MFAP1: variants seen among roughly 807,000 people sequenced by gnomAD.
MFAP1 encodes microfibrillar-associated protein 1.
MFAP1 carries 18 observed loss-of-function variants against 62.2 expected under a neutral mutation model. The observed-to-expected ratio is 0.29, with a 90% CI of 0.20 to 0.43. The LOEUF (loss-of-function observed/expected upper bound fraction) is 0.43, where lower values mean the gene tolerates loss of function less well. MFAP1 is among the 20% of genes least tolerant of loss of function. The pLI is 1.00. For missense variants in MFAP1, 355 were observed against 559.7 expected (o/e 0.63, Z 3.69); for synonymous variants, 175 against 180.4 (o/e 0.97, Z 0.24).
intron 1 of MFAP1, among the ~76,000 whole-genome samples, chr15:43,819,513 A>G (rs1426459032): frequency 6.6e-6 from 1 of 152,128 alleles, no homozygotes; most frequent in Non-Finnish European, 1.5e-5. Flanking sequence ...ATAAAACAAT[A>G]GAAACATTCT....
chr15:43,811,497 G>A (rs1300337212), intron 6 of MFAP1, among the ~76,000 whole-genome samples: 1 of 148,562 alleles, frequency 6.7e-6, no homozygotes, highest in Non-Finnish European at 1.5e-5. Flanking sequence ...ACTCAGGCAA[G>A]TTTTCTTTTT....
chr15:43,815,497 G>A (rs561914683), intron 2 of MFAP1, among the ~76,000 whole-genome samples: 2 of 152,140 alleles, frequency 1.3e-5, no homozygotes, highest in East Asian at 3.9e-4. Flanking sequence ...GTATTGAGGT[G>A]GAGGAAACTG....
intron 4 of MFAP1, 25 bp from the exon 5 acceptor site, chr15:43,813,382 T>A (rs2087415069): frequency 6.3e-7 from 1 of 1,593,944 alleles, no homozygotes; most frequent in Non-Finnish European, 8.5e-7. Context: ...TCCTGTTAAT[T>A]GCCCAAAGTC....
At chr15:43,814,829 A>G (rs1037556889) in intron 3 of MFAP1, 116 bp downstream of exon 3, 3 of 1,500,888 alleles carry the variant, frequency 2.0e-6, no homozygotes. Context: ...AACAAGGAAC[A>G]TGATCAGAGT....
At position 43,815,073 on chromosome 15, in the gene MFAP1, A is replaced by T. The variant is rs761869032; in HGVS notation, c.301T>A (p.Leu101Met). 6.2e-7 allele frequency: 1 copy of T among 1,614,044 alleles called. No individual in the cohort carries two copies. The highest frequency in any genetic ancestry group is 8.5e-7 in the Non-Finnish European group (1 of 1,180,006). ...TCCACTATTTTTCGATGTCGAGCCA[A>T]TCTGAAAAACAGTATCTCCAAATGT... Reference protein sequence around the residue: ...NRISEDVEERLARHRKIVEPE... With the variant: ...NRISEDVEERMARHRKIVEPE... The change falls in exon 3 of 9, where the codon TTG becomes ATG. Residue 101 changes from leucine to methionine, a missense_variant and splice_region_variant. Physicochemically the swap from Leu to Met is conservative, Grantham distance 15. Transcript: ENST00000267812.
chr15:43,817,155 T>C (rs1183913650), intron 2 of MFAP1, 74 bp downstream of exon 2: 8 of 1,381,248 alleles, frequency 5.8e-6, no homozygotes, highest in Non-Finnish European at 7.1e-6. Context: ...GTAGTACTAT[T>C]CAAGTATTAG....
intron 7 of MFAP1, among the ~76,000 whole-genome samples, chr15:43,807,309 C>G (rs1431727812): frequency 1.3e-5 from 2 of 150,994 alleles, no homozygotes; most frequent in Non-Finnish European, 3.0e-5. Context: ...CAAGATCGCA[C>G]CACTGCACTC....
rs762551698 is a variant in MFAP1, at chr15:43,808,591, GCAAA to G, written c.1047+1160_1047+1163del. Among the ~76,000 whole-genome samples, 5 of 152,238 alleles carry G rather than the reference GCAAA, an allele frequency of 3.3e-5. No individual in the cohort carries two copies. In the South Asian group the frequency reaches 8.3e-4, roughly 25 times the overall value. ...ATTATTAAAGCTGCGAACTGCTTAA[GCAAA>G]CAAACTTTATGACCGAAGCAGTACA... On this transcript the variant is annotated intron_variant, in intron 7 of 8. Coordinates refer to ENST00000267812, the MANE Select transcript of MFAP1 (RefSeq NM_005926.3).
At chr15:43,822,909 G>A (rs1349028856) in intron 1 of MFAP1, among the ~76,000 whole-genome samples, 1 of 151,742 alleles carries the variant, frequency 6.6e-6, no homozygotes, top group East Asian at 1.9e-4. Flanking sequence ...TGCGATCTCG[G>A]CTCACTGCAA....
At chr15:43,816,525 G>A (rs541815550) in intron 2 of MFAP1, among the ~76,000 whole-genome samples, 3 of 152,268 alleles carry the variant, frequency 2.0e-5, no homozygotes, top group East Asian at 3.9e-4. Context: ...GATTACAGGC[G>A]TGAGCCACCG....
chr15:43,809,791 G>A lies in MFAP1; in HGVS notation c.1011C>T (p.Phe337=). 6.2e-7 allele frequency: 1 copy of A among 1,614,092 alleles called. No individual in the cohort carries two copies. The highest frequency in any genetic ancestry group is 8.5e-7 in the Non-Finnish European group (1 of 1,179,980). Residue 337 remains phenylalanine (F), a synonymous_variant, in exon 7 of 9, where the codon TTC becomes TTT. Transcript: ENST00000267812. ...CACCCCGGTGATAATACTTCTGTAA[G>A]AACTTGTATTTGCCCTTAACAGCTT... ...TNKAVKGKYK[F]LQKYYHRGAF...
In MFAP1 at chr15:43,812,966, T is replaced by TA. The variant is rs1164964463; in HGVS notation, c.887+20dup. On this transcript the variant is annotated intron_variant, in intron 6 of 8. Coordinates refer to ENST00000267812, the MANE Select transcript of MFAP1 (RefSeq NM_005926.3). ...CCTGTTCCATTAGCAGCATTAACTC[T>TA]AGGCTCATCTTTTTACTCACGCTTC... 4.3e-6 allele frequency: 7 copies of TA among 1,613,222 alleles called. No individual in the cohort carries two copies. The African/African-American group carries it at 9.3e-5, about 22-fold the overall frequency.
intron 2 of MFAP1, 127 bp downstream of exon 2, chr15:43,817,102 G>A: frequency 1.0e-6 from 1 of 966,750 alleles, no homozygotes; most frequent in Non-Finnish European, 1.5e-6. Context: ...ATTTCATAAA[G>A]TTATTGTATG....
rs778966148 is a variant in MFAP1 at position 43,814,481 on chromosome 15, C to T, written c.617+20G>A. The T allele has an allele frequency of 6.3e-7, 1 of 1,588,342 alleles. No individual in the cohort carries two copies. Among genetic ancestry groups the T allele is most frequent in the Non-Finnish European group, 8.6e-7 (1 of 1,165,984 alleles). ...AAGTGGTAATTAAGTGGATTCAGAT[C>T]TGGCTTGTGAGATACTTACTTTCGA... On this transcript the variant is annotated intron_variant, in intron 4 of 8. Transcript: ENST00000267812.
Position 43,814,524 on chromosome 15 carries a change from G to A in MFAP1, c.594C>T (p.Arg198=). The part of the protein sequence containing the change: ...YTDSEDEMEP[R]LKPVFIRKKD... Reference sequence around the variant, plus strand: ...ACTTTCGAATGAAGACTGGCTTAAGGCGAGGCTCCATCTCATCTTCACTGT... The same window carrying A: ...ACTTTCGAATGAAGACTGGCTTAAGACGAGGCTCCATCTCATCTTCACTGT... The change falls in exon 4 of 9, where the codon CGC becomes CGT. Residue 198 remains arginine, a synonymous_variant. Transcript: ENST00000267812. 6.2e-7 allele frequency: 1 copy of A among 1,613,100 alleles called. No individual in the cohort carries two copies. Among genetic ancestry groups the A allele is most frequent in the Non-Finnish European group, 8.5e-7 (1 of 1,179,466 alleles).
intron 2 of MFAP1, among the ~76,000 whole-genome samples, chr15:43,816,250 C>CT (rs71299553): frequency 0.59 from 80,443 of 135,678 alleles, 26,378 homozygotes; most frequent in Non-Finnish European, 0.72. Context: ...TTTTTCTTTT[C>CT]TTTTTTTTTT....
rs185580498 is a variant in MFAP1, at chr15:43,810,434, T to C, written c.888-520A>G. ...CAGGCTGGAGTGCAGTGGTGTGATC[T>C]TGGCTCACTGCAAGCTCCGCCTCCT... is the stretch of plus-strand genomic sequence containing the variant. On this transcript the variant is annotated intron_variant, in intron 6 of 8. Transcript: ENST00000267812. Among the ~76,000 whole-genome samples, 633 of 151,936 alleles carry C rather than the reference T, an allele frequency of 4.2e-3. 8 individuals carry two copies. The highest frequency in any genetic ancestry group is 0.014 in the African/African-American group (598 of 41,418).
At chr15:43,806,601 G>A (rs1482400639) in intron 7 of MFAP1, among the ~76,000 whole-genome samples, 1 of 152,196 alleles carries the variant, frequency 6.6e-6, no homozygotes, top group Admixed American at 6.5e-5. Context: ...TAGGCTGGGC[G>A]CAGTGGCTCA....
rs758002968 is a variant in MFAP1 at position 43,812,989 on chromosome 15, T to C, written c.885A>G (p.Glu295=). Residue 295 remains glutamate (E), a splice_region_variant and synonymous_variant, in exon 6 of 9, where the codon GAA becomes GAG. Transcript: ENST00000267812. ...TCTAGGCTCATCTTTTTACTCACGC[T>C]TCTCGATCTTCTCTGTCCCTCTTGA... The part of the protein sequence containing the change: ...KRIKRDREDR[E]ALEKEKAEIE... 2.7e-5 allele frequency: 43 copies of C among 1,613,974 alleles called. No homozygotes were observed. In the South Asian group the frequency reaches 2.7e-4, roughly 10 times the overall value.
Sources: allele counts gnomAD v4.1 joint callset (sites outside exome capture counted in the v4.1 genomes callset), GRCh38; gene constraint gnomAD v4.1.1; transcripts MANE v1.5; gene names NCBI Gene and HGNC (gene_info 2026-07-23, HGNC 2026-07-21).